Variants in ANKRD11 observed in about 807,000 individuals in gnomAD.
ANKRD11 encodes the protein ankyrin repeat domain 11, also known as ankyrin repeat domain-containing protein 11.
In ANKRD11, 17 loss-of-function variants were observed where a neutral mutation model predicts 195.7. The observed-to-expected ratio is 0.09, with a 90% CI of 0.06 to 0.13. The LOEUF (loss-of-function observed/expected upper bound fraction) is 0.13. Among genes scored for constraint, ANKRD11 ranks in the 10% least tolerant of loss-of-function variants. The pLI is 1.00. For missense variants in ANKRD11, 3,735 were observed against 3,566.1 expected, an observed-to-expected ratio of 1.05 and a Z score of -1.21; for synonymous variants, 1,953 against 1,528.1, an observed-to-expected ratio of 1.28 and a Z score of -6.49.
intron 4 of ANKRD11, among the ~76,000 whole-genome samples, chr16:89,293,456 G>T (rs1032870804): frequency 1.3e-5 from 2 of 150,430 alleles, no homozygotes; most frequent in African/African-American, 2.5e-5. Context: ...GGAGGGAGGA[G>T]CTGGGGCAGA....
intron 1 of ANKRD11, among the ~76,000 whole-genome samples, chr16:89,438,087 G>C (rs1478477693): frequency 6.6e-6 from 1 of 152,222 alleles, no homozygotes; most frequent in Non-Finnish European, 1.5e-5. Context: ...CTGGCCAGGA[G>C]GGCACCGCAA....
At chr16:89,412,577 A>T (rs2152212413) in intron 2 of ANKRD11, 1 of 152,284 alleles carries the variant, frequency 6.6e-6, no homozygotes, top group Non-Finnish European at 1.5e-5. Context: ...GGAAGAAACA[A>T]GCAGGACAGG....
Position 89,282,936 on chromosome 16 carries a change from A to G in ANKRD11, c.3606T>C (p.Phe1202=), listed in dbSNP as rs1202984614. 1 of 1,609,778 alleles carries G rather than the reference A, an allele frequency of 6.2e-7. No homozygotes were observed. Among genetic ancestry groups the G allele is most frequent in the Non-Finnish European group, 8.5e-7 (1 of 1,179,058 alleles). The change falls in exon 9 of 13, where the codon TTT becomes TTC. Residue 1202 remains phenylalanine, a synonymous_variant. Transcript: ENST00000301030. Reference sequence around the variant, plus strand: ...TATCCTTCTTCTCCTTGTGCTTTTCAAAGACTTTCTCTTTTTTGTCTCTCC... The same window carrying G: ...TATCCTTCTTCTCCTTGTGCTTTTCGAAGACTTTCTCTTTTTTGTCTCTCC... ...DAGRDKKEKV[F]EKHKEKKDKE... is the part of the protein sequence containing the mutation.
At chr16:89,387,121 G>C (rs955446064) in intron 2 of ANKRD11, among the ~76,000 whole-genome samples, 1 of 152,124 alleles carries the variant, frequency 6.6e-6, no homozygotes, top group South Asian at 2.1e-4. Flanking sequence ...CAAGAGCAGC[G>C]AGGGTGGGAG....
chr16:89,434,494 C>T (rs1358546578), intron 1 of ANKRD11, among the ~76,000 whole-genome samples: 1 of 152,230 alleles, frequency 6.6e-6, no homozygotes, highest in Non-Finnish European at 1.5e-5. Context: ...CAGCACCGCG[C>T]AGTCCTGTGC....
intron 2 of ANKRD11, among the ~76,000 whole-genome samples, chr16:89,369,617 G>T (rs745585606): frequency 6.6e-6 from 1 of 152,220 alleles, no homozygotes; most frequent in Non-Finnish European, 1.5e-5. Flanking sequence ...GAAAGGGAGG[G>T]GGTGCGGTCA....
intron 1 of ANKRD11, among the ~76,000 whole-genome samples, chr16:89,473,890 G>T (rs990954086): frequency 3.3e-5 from 5 of 152,174 alleles, no homozygotes; most frequent in Non-Finnish European, 7.3e-5. Flanking sequence ...CCTTGACTGG[G>T]TTGCATTAGG....
At chr16:89,271,240 T>A in intron 11 of ANKRD11, 1 of 27,008 alleles carries the variant, frequency 3.7e-5, no homozygotes. Flanking sequence ...GGGAGAGACT[T>A]TTTTTTTTTT....
At position 89,291,806 on chromosome 16, in the gene ANKRD11, A is replaced by T; in HGVS notation, c.227-623T>A. 1.6e-6 allele frequency: 2 copies of T among 1,280,250 alleles called. No homozygotes were observed. The highest frequency in any genetic ancestry group is 2.0e-6 in the Non-Finnish European group (2 of 980,272). The allele number at this position is 1,280,250 out of a possible 1,614,324, so 79.3% of individuals were successfully genotyped here. A position where few individuals can be genotyped will look rare whatever the true frequency, so the allele number is the denominator to read the frequency against. ...AAGGCATCAACACAGAGCACTAACAAGACACGGTGTGAGAGCTCGGCTGTT... is the reference window on the plus strand; with the variant it reads ...AAGGCATCAACACAGAGCACTAACATGACACGGTGTGAGAGCTCGGCTGTT... On this transcript the variant is annotated intron_variant, in intron 4 of 12. Coordinates refer to ENST00000301030, the MANE Select transcript of ANKRD11 (RefSeq NM_013275.6). This position sits in a 1 kb window ranked among gnomAD's most constrained non-coding sequence, Gnocchi z 5.3.
chr16:89,463,213 C>T (rs927654065), intron 1 of ANKRD11, among the ~76,000 whole-genome samples: 1 of 152,110 alleles, frequency 6.6e-6, no homozygotes, highest in Admixed American at 6.5e-5. Context: ...ATGACAGTGG[C>T]GGTTTTGTGG....
chr16:89,269,019 C>G (rs1015503029), intron 12 of ANKRD11, among the ~76,000 whole-genome samples: 1 of 152,238 alleles, frequency 6.6e-6, no homozygotes, highest in Non-Finnish European at 1.5e-5. Context: ...CAATTACTTA[C>G]GGCCAGTGAT....
chr16:89,355,433 G>C lies in ANKRD11; in HGVS notation c.-59-38355C>G, dbSNP rs559158191. On this transcript the variant is annotated intron_variant, in intron 2 of 12. Transcript: ENST00000301030. ...TGTACCATAAACTTTTCATCAGCCA[G>C]ACTGTTTGCCTGAAAGACCTAATCA... Among the ~76,000 whole-genome samples the C allele has an allele frequency of 9.2e-5, 14 of 152,308 alleles. 1 individual carries two copies. Among genetic ancestry groups the C allele is most frequent in the African/African-American group, 3.1e-4 (13 of 41,566 alleles).
rs1234494052 is a variant in ANKRD11 at position 89,280,448 on chromosome 16, G to C, written c.6094C>G (p.Pro2032Ala). The C allele has an allele frequency of 6.3e-6, 10 of 1,587,092 alleles. No individual in the cohort carries two copies. The highest frequency in any genetic ancestry group is 2.3e-5 in the East Asian group (1 of 44,226). ...PAPYALPVAEPGLEDVKDGVD... is the reference protein window; with the variant it reads ...PAPYALPVAEAGLEDVKDGVD... ...CCGTCCTTGACGTCCTCCAGCCCCG[G>C]CTCAGCGACGGGCAGAGCGTACGGG... The change falls in exon 9 of 13, where the codon CCG becomes GCG. Residue 2032 changes from proline to alanine, a missense_variant. By Grantham distance (27) the Pro-to-Ala change is conservative (BLOSUM62 -1). Coordinates refer to ENST00000301030, the MANE Select transcript of ANKRD11 (RefSeq NM_013275.6).
rs192452189 is a variant in ANKRD11, at chr16:89,472,103, C to A, written c.-145+18142G>T. ...AAGAGCATCAGGATCAGGGCAGAAA[C>A]CTAATTCCGACCAAGCTTTAGGGTT... On this transcript the variant is annotated intron_variant, in intron 1 of 12. Coordinates refer to ENST00000301030, the MANE Select transcript of ANKRD11 (RefSeq NM_013275.6). Among the ~76,000 whole-genome samples, 6 of 152,238 alleles carry A rather than the reference C, an allele frequency of 3.9e-5. No individual in the cohort carries two copies. The East Asian group carries it at 1.2e-3, about 29-fold the overall frequency.
intron 2 of ANKRD11, among the ~76,000 whole-genome samples, chr16:89,360,285 T>C (rs2039676171): frequency 6.6e-6 from 1 of 152,224 alleles, no homozygotes; most frequent in Non-Finnish European, 1.5e-5. Flanking sequence ...GTATTAGGGA[T>C]GGGGCTTCAC....
At chr16:89,353,163 G>T (rs1223789017) in intron 2 of ANKRD11, among the ~76,000 whole-genome samples, 1 of 152,084 alleles carries the variant, frequency 6.6e-6, no homozygotes, top group Non-Finnish European at 1.5e-5. Flanking sequence ...CCAATATGGT[G>T]AAACCCCGTC....
At chr16:89,405,465 C>T (rs971309716) in intron 2 of ANKRD11, among the ~76,000 whole-genome samples, 3 of 150,368 alleles carry the variant, frequency 2.0e-5, no homozygotes, top group Non-Finnish European at 4.4e-5. Context: ...GCTGTGACTA[C>T]AGGCACGTGC....
chr16:89,306,452 A>C lies in ANKRD11; in HGVS notation c.88-1108T>G, dbSNP rs1277851989. The stretch of plus-strand genomic sequence containing the variant: ...ACACGCGCCACCTCCCACTCCGCAG[A>C]CACGCGCCACCCACCTCCCACTCCG... On this transcript the variant is annotated intron_variant, in intron 3 of 12. Coordinates refer to ENST00000301030, the MANE Select transcript of ANKRD11 (RefSeq NM_013275.6). Among the ~76,000 whole-genome samples the C allele has an allele frequency of 2.0e-4, 20 of 98,670 alleles. No individual in the cohort carries two copies. In the East Asian group the frequency reaches 3.1e-3, roughly 15 times the overall value. 64.7% of individuals were successfully genotyped at this position (98,670 alleles called of 152,430 possible).
intron 1 of ANKRD11, among the ~76,000 whole-genome samples, chr16:89,483,934 A>G (rs1397525380): frequency 6.6e-6 from 1 of 152,228 alleles, no homozygotes; most frequent in East Asian, 1.9e-4. Flanking sequence ...CTATGTATGT[A>G]ATTTAAATAA....
Sources: allele counts gnomAD v4.1 joint callset (sites outside exome capture counted in the v4.1 genomes callset), GRCh38; gene constraint gnomAD v4.1.1; non-coding constraint Gnocchi (gnomAD v3.1); transcripts MANE v1.5; gene names NCBI Gene and HGNC (gene_info 2026-07-23, HGNC 2026-07-21).